The following SLC12A7 variants were observed in gnomAD, a reference collection of about 807,000 sequenced individuals.
SLC12A7 encodes K-Cl cotransporter 4.
SLC12A7 carries 100 observed loss-of-function variants against 120.6 expected under a neutral mutation model. The observed-to-expected ratio is 0.83, with a 90% CI of 0.71 to 0.98. SLC12A7 has a LOEUF of 0.98. Among genes scored for constraint, SLC12A7 ranks in the 50% least tolerant of loss-of-function variants. SLC12A7 has a pLI of 0.00. For missense variants in SLC12A7, 1,373 were observed against 1,548.1 expected, an observed-to-expected ratio of 0.89 and a Z score of 1.90; for synonymous variants, 760 against 678.0, an observed-to-expected ratio of 1.12 and a Z score of -1.88.
At position 1,073,884 on chromosome 5, in the gene SLC12A7, C is replaced by T. The variant is rs369946865; in HGVS notation, c.2073-83G>A. 7.4e-5 allele frequency: 93 copies of T among 1,263,070 alleles called. No individual in the cohort carries two copies. In the African/African-American group the frequency reaches 9.0e-4, roughly 12 times the overall value. 78.2% of individuals were successfully genotyped at this position (1,263,070 alleles called of 1,614,324 possible). On this transcript the variant is annotated intron_variant, in intron 16 of 23. Transcript: ENST00000264930. ...CAACAGGCAGGGCAGATGGGACGGGCGGGGCACACGACACAGGTGGGACGG... is the reference window on the plus strand; with the variant it reads ...CAACAGGCAGGGCAGATGGGACGGGTGGGGCACACGACACAGGTGGGACGG...
At chr5:1,053,901 C>G (rs1158544104) in intron 22 of SLC12A7, among the ~76,000 whole-genome samples, 1 of 152,226 alleles carries the variant, frequency 6.6e-6, no homozygotes, top group Non-Finnish European at 1.5e-5. Flanking sequence ...ATCATCGCCC[C>G]TAAACCCCAC....
Position 1,100,397 on chromosome 5 carries a change from CTT to C in SLC12A7, c.125-6151_125-6150del, listed in dbSNP as rs1429325757. Among the ~76,000 whole-genome samples, 5 of 152,388 alleles carry C rather than the reference CTT, an allele frequency of 3.3e-5. No homozygotes were observed. In the South Asian group the frequency reaches 1.0e-3, roughly 32 times the overall value. On this transcript the variant is annotated intron_variant, in intron 1 of 23. Transcript: ENST00000264930. The stretch of plus-strand genomic sequence containing the variant: ...CCACCCGCAGCCGCCTGTCATCTAT[CTT>C]TCCACAGCCTTTCAAAGGCTCGATG...
At chr5:1,107,104 T>C (rs558198622) in intron 1 of SLC12A7, among the ~76,000 whole-genome samples, 72 of 152,360 alleles carry the variant, frequency 4.7e-4, no homozygotes, top group African/African-American at 1.6e-3. Context: ...GATCAAACGC[T>C]GCCTGCCTCT....
chr5:1,094,808 G>A (rs1288059637), intron 1 of SLC12A7, among the ~76,000 whole-genome samples: 2 of 152,180 alleles, frequency 1.3e-5, no homozygotes, highest in South Asian at 4.2e-4. Flanking sequence ...GGCTCTCTAG[G>A]TAAATGAGCC....
At chr5:1,147,777 T>G in the SLC12A7 span, among the ~76,000 whole-genome samples, 1 of 152,184 alleles carries the variant, frequency 6.6e-6, no homozygotes, top group African/African-American at 2.4e-5. Context: ...AGGGTCTCAC[T>G]CTGTCACCCA....
the SLC12A7 span, among the ~76,000 whole-genome samples, chr5:1,151,466 A>T: frequency 6.6e-6 from 1 of 152,182 alleles, no homozygotes; most frequent in African/African-American, 2.4e-5. The surrounding 1 kb of genome is among the most constrained non-coding windows in gnomAD (Gnocchi z 6.2). Flanking sequence ...TGGGCTGCAC[A>T]CAACCCTCCA....
At chr5:1,089,234 C>T (rs1304631728) in intron 3 of SLC12A7, 106 bp from the exon 4 acceptor site, 18 of 1,168,364 alleles carry the variant, frequency 1.5e-5, no homozygotes, top group Admixed American at 7.0e-5. Flanking sequence ...GCCGTGGGGG[C>T]AGGAGGGGGC....
chr5:1,053,551 G>A (rs1230512706), intron 22 of SLC12A7, 69 bp from the exon 23 acceptor site: 8 of 1,554,860 alleles, frequency 5.1e-6, no homozygotes, highest in East Asian at 2.3e-5. Flanking sequence ...AGGCTGAGCT[G>A]AGCCCTGATG....
chr5:1,122,638 C>T, the SLC12A7 span, among the ~76,000 whole-genome samples: 7 of 152,206 alleles, frequency 4.6e-5, no homozygotes, highest in African/African-American at 1.7e-4. Context: ...TGCCATTCTG[C>T]GTTCGGTCTC....
In SLC12A7 at chr5:1,095,699, A is replaced by G. The variant is rs150902108; in HGVS notation, c.125-1451T>C. On this transcript the variant is annotated intron_variant, in intron 1 of 23. Transcript: ENST00000264930. Reference sequence around the variant, plus strand: ...CCAGCTGGGAGGGTGGGCATTCTCTATGGGACATTTCAGATGTGCCAGAGC... The same window carrying G: ...CCAGCTGGGAGGGTGGGCATTCTCTGTGGGACATTTCAGATGTGCCAGAGC... Among the ~76,000 whole-genome samples the G allele has an allele frequency of 5.2e-3, 796 of 152,302 alleles. 6 individuals are homozygous for G. The highest frequency in any genetic ancestry group is 0.018 in the African/African-American group (757 of 41,568).
In SLC12A7 at chr5:1,060,468, C is replaced by A. The variant is rs1005718385; in HGVS notation, c.2740-17G>T. 22 of 1,588,962 alleles carry A rather than the reference C, an allele frequency of 1.4e-5. No homozygotes were observed. The highest frequency in any genetic ancestry group is 1.9e-5 in the Non-Finnish European group (22 of 1,157,888). On this transcript the variant is annotated splice_polypyrimidine_tract_variant and intron_variant, in intron 20 of 23. Coordinates refer to ENST00000264930, the MANE Select transcript of SLC12A7 (RefSeq NM_006598.3). ...GTTTTCAACCTAGAAAGTTCCCAAG[C>A]ACGTAGTAAGCCCGGTGTGCACAGA...
intron 17 of SLC12A7, 64 bp downstream of exon 17, chr5:1,073,569 G>C (rs1561055822): frequency 6.7e-7 from 1 of 1,495,818 alleles, no homozygotes; most frequent in Non-Finnish European, 9.1e-7. Context: ...GGACATGCCA[G>C]GGCACGTTTC....
chr5:1,139,741 G>A, the SLC12A7 span, among the ~76,000 whole-genome samples: 6 of 152,318 alleles, frequency 3.9e-5, no homozygotes, highest in South Asian at 4.1e-4. Flanking sequence ...CCCTCCTCCC[G>A]GCAGGCCCCG....
the SLC12A7 span, among the ~76,000 whole-genome samples, chr5:1,134,849 C>A: frequency 6.6e-6 from 1 of 152,130 alleles, no homozygotes; most frequent in African/African-American, 2.4e-5. Flanking sequence ...AAAAGAAGGG[C>A]ACGGCCAGGC....
At chr5:1,125,691 G>A in the SLC12A7 span, among the ~76,000 whole-genome samples, 9 of 152,176 alleles carry the variant, frequency 5.9e-5, no homozygotes, top group South Asian at 4.1e-4. Context: ...TTGGGAGGCC[G>A]AGGCGAGCAG....
At chr5:1,096,307 T>C (rs1225069938) in intron 1 of SLC12A7, among the ~76,000 whole-genome samples, 1 of 151,914 alleles carries the variant, frequency 6.6e-6, no homozygotes, top group Non-Finnish European at 1.5e-5. Flanking sequence ...TGGCAGGAGG[T>C]TGGCATTTGG....
chr5:1,108,191 A>G (rs550881228), intron 1 of SLC12A7, among the ~76,000 whole-genome samples: 1 of 152,356 alleles, frequency 6.6e-6, no homozygotes, highest in East Asian at 1.9e-4. Context: ...GTGCCCGCAC[A>G]CATGGACCCG....
At chr5:1,140,605 A>C in the SLC12A7 span, among the ~76,000 whole-genome samples, 1 of 152,216 alleles carries the variant, frequency 6.6e-6, no homozygotes, top group Non-Finnish European at 1.5e-5. Context: ...ATGCCCAGCA[A>C]TCCCGGAGTT....
chr5:1,099,238 C>T (rs1473318302), intron 1 of SLC12A7, among the ~76,000 whole-genome samples: 3 of 152,220 alleles, frequency 2.0e-5, no homozygotes, highest in African/African-American at 4.8e-5. Flanking sequence ...CCAGATACCA[C>T]GTGCCCTGAG....
Sources: gnomAD v4.1 joint callset for allele counts (sites outside exome capture counted in the v4.1 genomes callset) on GRCh38, gnomAD v4.1.1 for gene constraint, Gnocchi (gnomAD v3.1) non-coding constraint, MANE v1.5 for transcripts, NCBI Gene and HGNC (gene_info 2026-07-23, HGNC 2026-07-21) for gene names.